DLG2: variants seen among roughly 807,000 people sequenced by gnomAD.
DLG2 encodes disks large homolog 2.
DLG2 carries 45 observed loss-of-function variants against 132.5 expected under a neutral mutation model. The ratio of observed to expected loss-of-function variants is 0.34; its 90% CI spans 0.27 to 0.44. The LOEUF is 0.44. DLG2 is among the 20% of genes least tolerant of loss of function. The pLI is 1.00. For missense variants in DLG2, 1,045 were observed against 1,196.9 expected (o/e 0.87, Z 1.87); for synonymous variants, 424 against 419.6 (o/e 1.01, Z -0.13).
At chr11:85,373,689 C>T (rs890012458) in intron 3 of DLG2, among the ~76,000 whole-genome samples, 5 of 152,158 alleles carry the variant, frequency 3.3e-5, no homozygotes, top group Admixed American at 1.3e-4. Flanking sequence ...GGACTTTGGC[C>T]TTGTAAGAGT....
intron 4 of DLG2, among the ~76,000 whole-genome samples, chr11:85,190,959 GAACTTAAAACAA>G (rs1344991626): frequency 6.6e-6 from 1 of 152,090 alleles, no homozygotes; most frequent in Non-Finnish European, 1.5e-5. Flanking sequence ...ATTTCTCAAA[GAACTTAAAACAA>G]AACTGCCATT....
intron 7 of DLG2, among the ~76,000 whole-genome samples, chr11:84,470,097 T>A (rs184567012): frequency 1.3e-4 from 20 of 151,928 alleles, no homozygotes; most frequent in Non-Finnish European, 2.7e-4. Context: ...AAGTGTGATA[T>A]AATCTTATAG....
chr11:85,457,572 G>A (rs1049245212), intron 3 of DLG2, among the ~76,000 whole-genome samples: 8 of 152,138 alleles, frequency 5.3e-5, no homozygotes, highest in African/African-American at 1.9e-4. Context: ...GTAGTGGCTG[G>A]TAATGGTCTT....
chr11:83,971,770 T>A (rs894828062), intron 12 of DLG2, among the ~76,000 whole-genome samples: 1 of 152,138 alleles, frequency 6.6e-6, no homozygotes, highest in African/African-American at 2.4e-5. Context: ...CAATCCAATG[T>A]AGTAATGCCA....
chr11:84,031,787 A>C (rs2095700470), intron 11 of DLG2, among the ~76,000 whole-genome samples: 1 of 152,134 alleles, frequency 6.6e-6, no homozygotes, highest in African/African-American at 2.4e-5. Flanking sequence ...ATTTTTTACA[A>C]ATTGAAAGTT....
intron 18 of DLG2, among the ~76,000 whole-genome samples, chr11:83,665,474 G>A (rs1242883478): frequency 6.6e-6 from 1 of 152,106 alleles, no homozygotes; most frequent in African/African-American, 2.4e-5. Flanking sequence ...GTACAAATGG[G>A]GGTTATACTT....
chr11:84,209,054 TA>T (rs1451351682), intron 8 of DLG2, among the ~76,000 whole-genome samples: 4 of 152,344 alleles, frequency 2.6e-5, no homozygotes, highest in African/African-American at 9.6e-5. Flanking sequence ...ATACATATAT[TA>T]CCTAGATTTG....
At chr11:85,300,822 C>T (rs1159239413) in intron 3 of DLG2, among the ~76,000 whole-genome samples, 1 of 152,016 alleles carries the variant, frequency 6.6e-6, no homozygotes, top group African/African-American at 2.4e-5. Flanking sequence ...CATTTTCAGG[C>T]ATGGGAGTTT....
intron 6 of DLG2, among the ~76,000 whole-genome samples, chr11:84,703,391 A>T (rs909581097): frequency 6.6e-6 from 1 of 151,588 alleles, no homozygotes; most frequent in Non-Finnish European, 1.5e-5. Flanking sequence ...ATTAGATTTG[A>T]ACAAAGCCAT....
chr11:85,605,677 G>A (rs2080477362), intron 2 of DLG2, among the ~76,000 whole-genome samples: 1 of 152,166 alleles, frequency 6.6e-6, no homozygotes, highest in African/African-American at 2.4e-5. Flanking sequence ...GATTAAAACA[G>A]AGTATAAGAA....
chr11:85,237,704 A>G (rs1485102185), intron 4 of DLG2, among the ~76,000 whole-genome samples: 1 of 152,056 alleles, frequency 6.6e-6, no homozygotes, highest in East Asian at 1.9e-4. Context: ...GCAACTGACC[A>G]GCAATAATGT....
chr11:83,980,742 C>A lies in DLG2; in HGVS notation c.920-100G>T, dbSNP rs1025309955. Reference sequence around the variant, plus strand: ...ATTTTAACAGTTTTTAAAAATGAATCCTCAACTTATTGTAACAGCAATAAA... The same window carrying A: ...ATTTTAACAGTTTTTAAAAATGAATACTCAACTTATTGTAACAGCAATAAA... On this transcript the variant is annotated intron_variant, in intron 11 of 27. Transcript: ENST00000376104. 8 of 1,192,596 alleles carry A rather than the reference C, an allele frequency of 6.7e-6. No individual in the cohort carries two copies. The African/African-American group carries it at 9.4e-5, about 14-fold the overall frequency. The allele number at this position is 1,192,596 out of a possible 1,614,324, so 73.9% of individuals were successfully genotyped here.
rs573347362 is a variant in DLG2, at chr11:84,539,979, G to A, written c.358-5248C>T. ...TTAATAAATGGTGCTGGGAAAACTG[G>A]CTAGCCATATATAGAAAGCTGAAAC... On this transcript the variant is annotated intron_variant, in intron 6 of 27. Coordinates refer to ENST00000376104, the MANE Select transcript of DLG2 (RefSeq NM_001142699.3). 2.0e-5 allele frequency among the ~76,000 whole-genome samples: 3 copies of A among 152,210 alleles called. No homozygotes were observed. The South Asian group carries it at 6.2e-4, about 32-fold the overall frequency.
At chr11:85,510,461 A>C (rs2094035495) in intron 3 of DLG2, among the ~76,000 whole-genome samples, 1 of 152,172 alleles carries the variant, frequency 6.6e-6, no homozygotes, top group African/African-American at 2.4e-5. Flanking sequence ...AAATTCTTGC[A>C]ACCTACTCAT....
rs564859321 is a variant in DLG2, at chr11:85,204,053, G to A, written c.187-49402C>T. On this transcript the variant is annotated intron_variant, in intron 4 of 27. Transcript: ENST00000376104. The stretch of plus-strand genomic sequence containing the variant: ...GCATACTTTTAAAATGATAAAGTCC[G>A]TATATGACAAACCGACAGCTAACAA... 8.7e-4 allele frequency among the ~76,000 whole-genome samples: 132 copies of A among 152,102 alleles called. 2 individuals carry two copies. Among genetic ancestry groups the A allele is most frequent in the African/African-American group, 2.5e-3 (103 of 41,542 alleles).
intron 7 of DLG2, among the ~76,000 whole-genome samples, chr11:84,524,996 A>G (rs2099315922): frequency 6.6e-6 from 1 of 152,096 alleles, no homozygotes; most frequent in African/African-American, 2.4e-5. Context: ...TAACTTAGTT[A>G]TGAAAATAGA....
At chr11:85,039,368 A>G (rs578224668) in intron 6 of DLG2, among the ~76,000 whole-genome samples, 3 of 152,046 alleles carry the variant, frequency 2.0e-5, no homozygotes, top group Non-Finnish European at 4.4e-5. Flanking sequence ...CCAAATGCTG[A>G]AATACTTCTT....
At chr11:85,051,066 G>T (rs986315850) in intron 6 of DLG2, among the ~76,000 whole-genome samples, 1 of 152,094 alleles carries the variant, frequency 6.6e-6, no homozygotes, top group African/African-American at 2.4e-5. Flanking sequence ...CTGAAGCATT[G>T]TCATGCTTCT....
At chr11:84,401,883 CT>C (rs1328114928) in intron 7 of DLG2, among the ~76,000 whole-genome samples, 4 of 152,110 alleles carry the variant, frequency 2.6e-5, no homozygotes, top group Non-Finnish European at 5.9e-5. Flanking sequence ...TTTCACGTCA[CT>C]TTTTAGCATA....
Sources: allele counts gnomAD v4.1 joint callset (sites outside exome capture counted in the v4.1 genomes callset), GRCh38; gene constraint gnomAD v4.1.1; transcripts MANE v1.5; gene names NCBI Gene and HGNC (gene_info 2026-07-23, HGNC 2026-07-21).